Variants in GPR180 observed in about 807,000 individuals in gnomAD.
GPR180 encodes the protein G protein-coupled receptor 180.
Under a neutral mutation model 52.6 loss-of-function variants are expected in GPR180, and 53 were observed. That is an observed-to-expected ratio of 1.01 (90% CI 0.81 to 1.27). GPR180 has a LOEUF of 1.27. Among genes scored for constraint, GPR180 ranks in the 50% most tolerant of loss-of-function variants. The pLI, the probability that GPR180 is intolerant of heterozygous loss-of-function variation, is 0.00. For synonymous variants in GPR180, 200 were observed against 193.1 expected, an observed-to-expected ratio of 1.04 and a Z score of -0.30; for missense variants, 533 against 527.0, an observed-to-expected ratio of 1.01 and a Z score of -0.11.
intron 2 of GPR180, among the ~76,000 whole-genome samples, chr13:94,607,689 T>C (rs1889652731): frequency 6.6e-6 from 1 of 152,008 alleles, no homozygotes; most frequent in African/African-American, 2.4e-5. Context: ...CACTGTTTCA[T>C]GTACTGCTAG....
intron 7 of GPR180, among the ~76,000 whole-genome samples, chr13:94,623,683 CAA>C (rs60779190): frequency 2.0e-4 from 15 of 73,442 alleles, no homozygotes; most frequent in Non-Finnish European, 2.3e-4. Flanking sequence ...TTCTTTTTTT[CAA>C]AAAAAAAAAA....
rs1159717348 is a variant in GPR180 at position 94,634,101 on chromosome 13, T to G, written c.*6930T>G. 6.6e-6 allele frequency: 1 copy of G among 152,184 alleles called. No individual in the cohort carries two copies. Among genetic ancestry groups the G allele is most frequent in the Non-Finnish European group, 1.5e-5 (1 of 68,026 alleles). The allele number at this position is 152,184 out of a possible 1,614,324, so 9.4% of individuals were successfully genotyped here. A position where few individuals can be genotyped will look rare whatever the true frequency, so the allele number is the denominator to read the frequency against. On this transcript the variant is annotated 3_prime_UTR_variant, in exon 9 of 9. Transcript: ENST00000376958. Reference sequence around the variant, plus strand: ...TTCTGTTAAGTGTTTTTGTTTTTTATAATTTTCCAATTAGTCTTGCTCATT... The same window carrying G: ...TTCTGTTAAGTGTTTTTGTTTTTTAGAATTTTCCAATTAGTCTTGCTCATT...
chr13:94,606,591 T>G (rs1336716699), intron 2 of GPR180, among the ~76,000 whole-genome samples: 2 of 152,246 alleles, frequency 1.3e-5, no homozygotes, highest in Admixed American at 1.3e-4. Context: ...GGAATTATTC[T>G]TCCCTTTTTC....
intron 2 of GPR180, 74 bp from the exon 3 acceptor site, chr13:94,612,116 A>AGG: frequency 1.7e-6 from 2 of 1,173,528 alleles, no homozygotes; most frequent in Non-Finnish European, 2.5e-6. Flanking sequence ...CTAACCTCAA[A>AGG]TTGATTATAT....
rs1322473969 is a variant in GPR180, at chr13:94,601,899, G to T, written c.-29G>T. The T allele has an allele frequency of 1.4e-6, 2 of 1,385,128 alleles. No homozygotes were observed. Among genetic ancestry groups the T allele is most frequent in the Non-Finnish European group, 9.3e-7 (1 of 1,070,572 alleles). The allele number at this position is 1,385,128 out of a possible 1,614,324, so 85.8% of individuals were successfully genotyped here. ...GGGCAGCCGCCGGCGGCTGGGAGCC[G>T]AGGCGTCGGTGCAGACCTGGAGACG... On this transcript the variant is annotated 5_prime_UTR_variant, in exon 1 of 9. Coordinates refer to ENST00000376958, the MANE Select transcript of GPR180 (RefSeq NM_180989.6).
chr13:94,602,017 C>T lies in GPR180; in HGVS notation c.90C>T (p.Ser30=). The T allele has an allele frequency of 2.7e-6, 4 of 1,468,690 alleles. No individual in the cohort carries two copies. The highest frequency in any genetic ancestry group is 3.6e-6 in the Non-Finnish European group (4 of 1,110,924). The allele number at this position is 1,468,690 out of a possible 1,614,324, so 91.0% of individuals were successfully genotyped here. Reference sequence around the variant, plus strand: ...GTAAGACCCTGCGGGGCAGCTTCAGCAGCACCGCGGCCCAGGACGCCCAGG... The same window carrying T: ...GTAAGACCCTGCGGGGCAGCTTCAGTAGCACCGCGGCCCAGGACGCCCAGG... ...SQGKTLRGSF[S]STAAQDAQGQ... is the part of the protein sequence containing the mutation. The change falls in exon 1 of 9, where the codon AGC becomes AGT. Residue 30 remains serine, a synonymous_variant. Transcript: ENST00000376958.
intron 2 of GPR180, among the ~76,000 whole-genome samples, chr13:94,607,886 G>A (rs1322413920): frequency 6.6e-6 from 1 of 152,220 alleles, no homozygotes; most frequent in Non-Finnish European, 1.5e-5. Context: ...CTAAGTATTT[G>A]TAGAATGAAT....
In GPR180 at chr13:94,634,559, A is replaced by T. The variant is rs932309717; in HGVS notation, c.*7388A>T. On this transcript the variant is annotated 3_prime_UTR_variant, in exon 9 of 9. Coordinates refer to ENST00000376958, the MANE Select transcript of GPR180 (RefSeq NM_180989.6). ...GGCTTTTGTTTTCTGCATGAAAACT[A>T]TTGATTTCTGCATTCTAATTTTGTT... The T allele has an allele frequency of 1.3e-5, 2 of 152,108 alleles. No homozygotes were observed. Among genetic ancestry groups the T allele is most frequent in the East Asian group, 1.9e-4 (1 of 5,192 alleles). The allele number at this position is 152,108 out of a possible 1,614,324, so 9.4% of individuals were successfully genotyped here.
intron 7 of GPR180, among the ~76,000 whole-genome samples, 190 bp from the exon 8 acceptor site, chr13:94,625,776 C>A (rs1483731127): frequency 3.9e-5 from 6 of 152,052 alleles, no homozygotes; most frequent in Non-Finnish European, 7.4e-5. Flanking sequence ...CAAAAATACT[C>A]ATTTGGTTAG....
rs928399695 is a variant in GPR180 at position 94,601,875 on chromosome 13, G to A, written c.-53G>A. Reference sequence around the variant, plus strand: ...CTCCCCCAGCTGCCGACGTGGGGCGGGCAGCCGCCGGCGGCTGGGAGCCGA... The same window carrying A: ...CTCCCCCAGCTGCCGACGTGGGGCGAGCAGCCGCCGGCGGCTGGGAGCCGA... On this transcript the variant is annotated 5_prime_UTR_variant, in exon 1 of 9. Coordinates refer to ENST00000376958, the MANE Select transcript of GPR180 (RefSeq NM_180989.6). The A allele has an allele frequency of 5.2e-6, 7 of 1,334,042 alleles. No individual in the cohort carries two copies. The highest frequency in any genetic ancestry group is 3.1e-5 in the African/African-American group (2 of 65,154). 82.6% of individuals were successfully genotyped at this position (1,334,042 alleles called of 1,614,324 possible).
At position 94,628,160 on chromosome 13, in the gene GPR180, T is replaced by A. The variant is rs1594481445; in HGVS notation, c.*989T>A. ...AAAAACAAAACACTCACTGGATTTG[T>A]TATAATCCGTGTTGGCACTGGATTC... is the stretch of plus-strand genomic sequence containing the variant. On this transcript the variant is annotated 3_prime_UTR_variant, in exon 9 of 9. Transcript: ENST00000376958. The A allele has an allele frequency of 1.3e-5, 2 of 152,614 alleles. No individual in the cohort carries two copies. The highest frequency in any genetic ancestry group is 2.1e-4 in the South Asian group (1 of 4,828). The allele number at this position is 152,614 out of a possible 1,614,324, so 9.5% of individuals were successfully genotyped here. A position where few individuals can be genotyped will look rare whatever the true frequency, so the allele number is the denominator to read the frequency against.
intron 3 of GPR180, among the ~76,000 whole-genome samples, chr13:94,615,852 A>G (rs779137662): frequency 2.6e-5 from 4 of 152,228 alleles, no homozygotes; most frequent in Non-Finnish European, 5.9e-5. Context: ...CCAAAAGACA[A>G]TGGGTTGGAT....
At chr13:94,620,826 T>C (rs1173826801) in intron 5 of GPR180, among the ~76,000 whole-genome samples, 1 of 152,174 alleles carries the variant, frequency 6.6e-6, no homozygotes, top group East Asian at 1.9e-4. Context: ...GGTATGGGCA[T>C]ATATATGTAT....
chr13:94,626,100 G>A, intron 8 of GPR180, 57 bp downstream of exon 8: 1 of 1,224,034 alleles, frequency 8.2e-7, no homozygotes, highest in Non-Finnish European at 1.2e-6. Context: ...TCTTAATTGG[G>A]AGAATATTTA....
rs1889979967 is a variant in GPR180 at position 94,630,371 on chromosome 13, T to G, written c.*3200T>G. The stretch of plus-strand genomic sequence containing the variant: ...TCTCCACAGTGTAGCCAAAACAATC[T>G]CTTAAAAATGGAAATCATCTGGATG... On this transcript the variant is annotated 3_prime_UTR_variant, in exon 9 of 9. Transcript: ENST00000376958. 6.6e-6 allele frequency: 1 copy of G among 152,222 alleles called. No homozygotes were observed. Among genetic ancestry groups the G allele is most frequent in the African/African-American group, 2.4e-5 (1 of 41,456 alleles). 9.4% of individuals were successfully genotyped at this position (152,222 alleles called of 1,614,324 possible). A position where few individuals can be genotyped will look rare whatever the true frequency, so the allele number is the denominator to read the frequency against.
intron 2 of GPR180, among the ~76,000 whole-genome samples, chr13:94,610,553 G>A (rs1337232012): frequency 3.3e-5 from 5 of 152,240 alleles, no homozygotes; most frequent in East Asian, 3.9e-4. Context: ...TTGCTGAGTC[G>A]CAAGGCCAAG....
intron 3 of GPR180, among the ~76,000 whole-genome samples, chr13:94,618,420 A>ATTTTTTTATTTTTT (rs1889806270): frequency 1.1e-5 from 1 of 87,156 alleles, no homozygotes; most frequent in African/African-American, 6.3e-5. Flanking sequence ...TCAGCACAGG[A>ATTTTTTTATTTTTT]TTTTTTTTTT....
At chr13:94,608,303 G>A (rs1346513829) in intron 2 of GPR180, among the ~76,000 whole-genome samples, 1 of 152,128 alleles carries the variant, frequency 6.6e-6, no homozygotes, top group Non-Finnish European at 1.5e-5. Context: ...TGCCATTCTC[G>A]TTATAACTCT....
chr13:94,616,403 G>A (rs1594475347), intron 3 of GPR180, among the ~76,000 whole-genome samples: 1 of 152,142 alleles, frequency 6.6e-6, no homozygotes, highest in Admixed American at 6.5e-5. Flanking sequence ...ATGGGGAGGC[G>A]GGAATGTCTG....
Sources: gnomAD v4.1 joint callset for allele counts (sites outside exome capture counted in the v4.1 genomes callset) on GRCh38, gnomAD v4.1.1 for gene constraint, MANE v1.5 for transcripts, NCBI Gene and HGNC (gene_info 2026-07-23, HGNC 2026-07-21) for gene names.